GPC5: variants seen among roughly 807,000 people sequenced by gnomAD.
The protein encoded by GPC5 is glypican-5.
GPC5 carries 47 observed loss-of-function variants against 53.9 expected under a neutral mutation model. The ratio of observed to expected loss-of-function variants is 0.87; its 90% confidence interval spans 0.69 to 1.11. The LOEUF (loss-of-function observed/expected upper bound fraction) is 1.11. GPC5 is among the 50% of genes most tolerant of loss of function. GPC5 has a pLI of 0.00. For synonymous variants in GPC5, 286 were observed against 263.3 expected, an observed-to-expected ratio of 1.09 and a Z score of -0.84; for missense variants, 748 against 713.1, an observed-to-expected ratio of 1.05 and a Z score of -0.56.
intron 6 of GPC5, among the ~76,000 whole-genome samples, chr13:92,055,501 C>A (rs1358223182): frequency 3.9e-5 from 6 of 152,146 alleles, no homozygotes; most frequent in African/African-American, 1.4e-4. Context: ...TGTTTGGTAA[C>A]ACAATATTTT....
At chr13:92,545,886 T>C (rs960010451) in intron 7 of GPC5, among the ~76,000 whole-genome samples, 2 of 152,196 alleles carry the variant, frequency 1.3e-5, no homozygotes, top group Non-Finnish European at 2.9e-5. Context: ...TTCACTCTGA[T>C]GGTAGTTTCT....
intron 7 of GPC5, chr13:92,340,634 G>A (rs1436879663): frequency 2.6e-5 from 4 of 152,116 alleles, no homozygotes; most frequent in Non-Finnish European, 4.4e-5. Context: ...AATATTTTAA[G>A]CAATGTCATT....
chr13:92,621,186 C>T (rs1200612921), intron 7 of GPC5, among the ~76,000 whole-genome samples: 4 of 152,098 alleles, frequency 2.6e-5, no homozygotes, highest in Non-Finnish European at 4.4e-5. Flanking sequence ...GAGTTGTCAT[C>T]AGACAATGTT....
At chr13:92,738,404 A>C (rs1404298945) in intron 7 of GPC5, among the ~76,000 whole-genome samples, 1 of 152,052 alleles carries the variant, frequency 6.6e-6, no homozygotes, top group African/African-American at 2.4e-5. Flanking sequence ...GAGATTATTA[A>C]GTAGTTTTTT....
chr13:92,866,378 C>T lies in GPC5; in HGVS notation c.1658C>T (p.Ala553Val), dbSNP rs140842951. Residue 553 changes from alanine (A) to valine (V), a missense_variant, in exon 8 of 8, where the codon GCG becomes GTG. By Grantham distance (64) the Ala-to-Val change is moderately conservative. Coordinates refer to ENST00000377067, the MANE Select transcript of GPC5 (RefSeq NM_004466.6). ...LDTTGAGCAV[A>V]TESMTFTLIS... ...ACAACAGGAGCAGGATGTGCAGTGG[C>T]GACTGAATCTATGACATTCACTCTG... 7.2e-5 allele frequency: 116 copies of T among 1,612,550 alleles called. 1 individual carries two copies. The highest frequency in any genetic ancestry group is 7.1e-4 in the African/African-American group (53 of 74,932).
intron 7 of GPC5, among the ~76,000 whole-genome samples, chr13:92,838,233 T>C (rs960825273): frequency 1.3e-5 from 2 of 150,576 alleles, no homozygotes; most frequent in South Asian, 2.1e-4. Flanking sequence ...GCCTGTAATC[T>C]CAGCACTTTG....
intron 2 of GPC5, among the ~76,000 whole-genome samples, chr13:91,561,092 A>C (rs374216647): frequency 1.3e-5 from 2 of 152,180 alleles, no homozygotes; most frequent in Non-Finnish European, 2.9e-5. Flanking sequence ...AGACCCTCCA[A>C]ATTCCGAGCT....
At chr13:92,809,155 T>C (rs150007758) in intron 7 of GPC5, among the ~76,000 whole-genome samples, 33 of 152,300 alleles carry the variant, frequency 2.2e-4, no homozygotes, top group African/African-American at 7.7e-4. Flanking sequence ...AGTTACTCTC[T>C]ATTAAATTAT....
At chr13:92,390,627 T>G (rs1874951791) in intron 7 of GPC5, among the ~76,000 whole-genome samples, 1 of 152,302 alleles carries the variant, frequency 6.6e-6, no homozygotes, top group South Asian at 2.1e-4. Flanking sequence ...TCGTGATGTT[T>G]ACTTAGATTT....
intron 7 of GPC5, among the ~76,000 whole-genome samples, chr13:92,238,577 A>G (rs2042586765): frequency 6.6e-6 from 1 of 152,072 alleles, no homozygotes; most frequent in Non-Finnish European, 1.5e-5. Context: ...GAGTTATAAG[A>G]GTCCTTATGT....
rs147395400 is a variant in GPC5, at chr13:92,699,528, G to C, written c.1562-166754G>C. 4.0e-3 allele frequency among the ~76,000 whole-genome samples: 602 copies of C among 151,932 alleles called. 2 individuals carry two copies. The highest frequency in any genetic ancestry group is 0.014 in the African/African-American group (574 of 41,462). ...CTTTTAAATGTGATGTTAGGGTGGCGATTTTAGATCTTTCCTGCTTTCTCT... is the reference window on the plus strand; with the variant it reads ...CTTTTAAATGTGATGTTAGGGTGGCCATTTTAGATCTTTCCTGCTTTCTCT... On this transcript the variant is annotated intron_variant, in intron 7 of 7. Transcript: ENST00000377067.
At chr13:92,037,312 T>C (rs2040901717) in intron 6 of GPC5, among the ~76,000 whole-genome samples, 1 of 152,200 alleles carries the variant, frequency 6.6e-6, no homozygotes, top group Non-Finnish European at 1.5e-5. Context: ...AGGGCCTTTA[T>C]ACTTGCTGCT....
chr13:92,081,266 T>TA (rs969363694), intron 6 of GPC5, among the ~76,000 whole-genome samples: 42 of 152,098 alleles, frequency 2.8e-4, no homozygotes, highest in Admixed American at 2.5e-3. Context: ...CATACCTGGC[T>TA]AAATTTTCTA....
chr13:92,412,654 C>A (rs958586154), intron 7 of GPC5, among the ~76,000 whole-genome samples: 2 of 152,166 alleles, frequency 1.3e-5, no homozygotes, highest in African/African-American at 4.8e-5. Flanking sequence ...TGCACTGCAA[C>A]AGAAGAGTTG....
chr13:91,750,955 C>T (rs2037162949), intron 4 of GPC5, among the ~76,000 whole-genome samples: 2 of 144,388 alleles, frequency 1.4e-5, no homozygotes, highest in Admixed American at 6.8e-5. Context: ...AGCCATTGCG[C>T]CTGGCCGGTA....
chr13:92,819,645 G>A (rs1012301173), intron 7 of GPC5, among the ~76,000 whole-genome samples: 1 of 152,102 alleles, frequency 6.6e-6, no homozygotes, highest in East Asian at 1.9e-4. Context: ...TTTTCACTAG[G>A]AGTCAGAGAG....
At chr13:91,976,721 A>C (rs2040305895) in intron 6 of GPC5, among the ~76,000 whole-genome samples, 1 of 152,136 alleles carries the variant, frequency 6.6e-6, no homozygotes, top group Non-Finnish European at 1.5e-5. Context: ...AAACTCAGAT[A>C]AGACAAATGT....
intron 7 of GPC5, among the ~76,000 whole-genome samples, chr13:92,560,350 G>A (rs906698269): frequency 8.6e-5 from 13 of 152,016 alleles, no homozygotes; most frequent in African/African-American, 3.1e-4. Flanking sequence ...TACAAGGTCT[G>A]CGACATGATT....
intron 3 of GPC5, among the ~76,000 whole-genome samples, chr13:91,721,841 G>A (rs2036481356): frequency 6.6e-6 from 1 of 152,082 alleles, no homozygotes; most frequent in Admixed American, 6.5e-5. Context: ...TTGACCACCT[G>A]GCTGGAGCAC....
Sources: allele counts gnomAD v4.1 joint callset (sites outside exome capture counted in the v4.1 genomes callset), GRCh38; gene constraint gnomAD v4.1.1; transcripts MANE v1.5; gene names NCBI Gene and HGNC (gene_info 2026-07-23, HGNC 2026-07-21).